COBL: variants seen among roughly 807,000 people sequenced by gnomAD.
COBL encodes protein cordon-bleu.
Under a neutral mutation model 98.8 loss-of-function variants are expected in COBL, and 51 were observed. The ratio of observed to expected loss-of-function variants is 0.52; its 90% CI spans 0.41 to 0.65. The LOEUF (loss-of-function observed/expected upper bound fraction) is 0.65, where lower values mean the gene tolerates loss of function less well. Ranked by LOEUF, COBL falls within the 30% of genes least tolerant of loss-of-function variation. The pLI, the probability that COBL is intolerant of heterozygous loss-of-function variation, is 0.00. For synonymous variants in COBL, 634 were observed against 651.7 expected, an observed-to-expected ratio of 0.97 and a Z score of 0.41; for missense variants, 1,617 against 1,617.5, an observed-to-expected ratio of 1.00 and a Z score of 0.01.
At chr7:51,159,956 G>T (rs767425548) in intron 5 of COBL, among the ~76,000 whole-genome samples, 1 of 152,056 alleles carries the variant, frequency 6.6e-6, no homozygotes, top group South Asian at 2.1e-4. Flanking sequence ...GCAATGGCAC[G>T]ATCTCAGCTC....
chr7:51,237,405 T>C (rs1386054109), intron 1 of COBL, among the ~76,000 whole-genome samples: 2 of 152,348 alleles, frequency 1.3e-5, no homozygotes, highest in African/African-American at 4.8e-5. Context: ...ATTGTAACTT[T>C]ACTAAAGTTT....
At chr7:51,082,839 G>A (rs1017717082) in intron 7 of COBL, among the ~76,000 whole-genome samples, 9 of 152,214 alleles carry the variant, frequency 5.9e-5, no homozygotes, top group African/African-American at 2.2e-4. Context: ...TTTAGCTGAA[G>A]TCTGACCACA....
At chr7:51,083,949 G>T (rs1480299361) in intron 7 of COBL, among the ~76,000 whole-genome samples, 2 of 152,196 alleles carry the variant, frequency 1.3e-5, no homozygotes, top group Admixed American at 6.5e-5. Context: ...TAAACCAGGG[G>T]CTTTTGTCCA....
rs762333403 is a variant in COBL at position 51,028,252 on chromosome 7, G to T, written c.2844C>A (p.Ala948=). Residue 948 remains alanine, a synonymous_variant, in exon 10 of 13, where the codon GCC becomes GCA. Coordinates refer to ENST00000265136, the MANE Select transcript of COBL (RefSeq NM_015198.5). ...NNHGEDLAVG[A]PPRGEVIGPH... ...GGCCAATGACCTCCCCCCTAGGAGG[G>T]GCTCCCACTGCCAAATCTTCCCCGT... 2 of 1,614,138 alleles carry T rather than the reference G, an allele frequency of 1.2e-6. No homozygotes were observed. Among genetic ancestry groups the T allele is most frequent in the South Asian group, 2.2e-5 (2 of 91,084 alleles).
At chr7:51,142,193 CAAG>C (rs1336044582) in intron 5 of COBL, among the ~76,000 whole-genome samples, 21 of 151,970 alleles carry the variant, frequency 1.4e-4, no homozygotes, top group Middle Eastern at 6.8e-3. Flanking sequence ...CTTTTTTGGC[CAAG>C]TACCCCATGG....
intron 2 of COBL, among the ~76,000 whole-genome samples, chr7:51,210,749 C>A (rs1391051717): frequency 6.6e-6 from 1 of 152,226 alleles, no homozygotes; most frequent in African/African-American, 2.4e-5. Flanking sequence ...TTCCACTACA[C>A]ACTTTTCTGG....
chr7:51,189,373 C>T (rs1338539237), intron 4 of COBL, among the ~76,000 whole-genome samples: 2 of 152,194 alleles, frequency 1.3e-5, no homozygotes, highest in African/African-American at 4.8e-5. Context: ...GTGGCTCAGG[C>T]CTGTAATCCC....
At chr7:51,107,101 T>TG (rs1307086005) in intron 6 of COBL, among the ~76,000 whole-genome samples, 1 of 145,458 alleles carries the variant, frequency 6.9e-6, no homozygotes, top group Non-Finnish European at 1.5e-5. Flanking sequence ...TGTTTTTTTT[T>TG]TTTTTTTTTT....
At chr7:51,031,230 C>A in intron 8 of COBL, 1 of 261,060 alleles carries the variant, frequency 3.8e-6, no homozygotes, top group African/African-American at 2.2e-5. Flanking sequence ...CCACACACAG[C>A]TTTCATTCAC....
chr7:51,135,095 TG>T (rs1799109983), intron 6 of COBL, among the ~76,000 whole-genome samples: 1 of 152,092 alleles, frequency 6.6e-6, no homozygotes, highest in Admixed American at 6.5e-5. Context: ...TCTGAGTAGC[TG>T]GGACAATAGG....
At chr7:51,100,478 G>A (rs1218752134) in intron 6 of COBL, among the ~76,000 whole-genome samples, 1 of 152,158 alleles carries the variant, frequency 6.6e-6, no homozygotes, top group Admixed American at 6.5e-5. Flanking sequence ...TTTGTTCTAT[G>A]AATCCACATT....
At chr7:51,280,162 T>G (rs1422788078) in intron 1 of COBL, among the ~76,000 whole-genome samples, 1 of 152,068 alleles carries the variant, frequency 6.6e-6, no homozygotes, top group African/African-American at 2.4e-5. Flanking sequence ...AAAACAGCAC[T>G]CAGTTTAACA....
intron 6 of COBL, among the ~76,000 whole-genome samples, chr7:51,093,159 A>G (rs539687385): frequency 2.0e-5 from 3 of 152,364 alleles, no homozygotes; most frequent in African/African-American, 7.2e-5. Context: ...CAAAATATGT[A>G]AGAAACTGAA....
chr7:51,031,941 C>T (rs1438384800), intron 8 of COBL: 1 of 152,292 alleles, frequency 6.6e-6, no homozygotes, highest in Non-Finnish European at 1.5e-5. Flanking sequence ...TCCTCTCAGA[C>T]TTAACAGGAG....
At chr7:51,264,355 T>C (rs960273036) in intron 1 of COBL, among the ~76,000 whole-genome samples, 6 of 152,088 alleles carry the variant, frequency 3.9e-5, no homozygotes, top group African/African-American at 9.7e-5. Flanking sequence ...TTTTACATAA[T>C]TGCAAAACAA....
intron 2 of COBL, among the ~76,000 whole-genome samples, chr7:51,209,805 CCCA>C (rs1359352166): frequency 2.0e-5 from 3 of 152,092 alleles, no homozygotes; most frequent in Non-Finnish European, 2.9e-5. Flanking sequence ...CCCTCTAATC[CCCA>C]CCAAGAGGCT....
At chr7:51,242,683 G>C (rs1236608885) in intron 1 of COBL, among the ~76,000 whole-genome samples, 1 of 149,804 alleles carries the variant, frequency 6.7e-6, no homozygotes, top group Non-Finnish European at 1.5e-5. Context: ...TCCACAAACA[G>C]AAAATGTTAA....
intron 1 of COBL, among the ~76,000 whole-genome samples, chr7:51,284,391 T>C (rs1327026451): frequency 6.6e-6 from 1 of 152,070 alleles, no homozygotes; most frequent in Non-Finnish European, 1.5e-5. Context: ...AATCAGTTCA[T>C]GTAATTCACC....
At position 51,219,793 on chromosome 7, in the gene COBL, C is replaced by T. The variant is rs747167571; in HGVS notation, c.193G>A (p.Val65Ile). ...KEALRASTMDVTVVLPSGLEK... is the reference protein window; with the variant it reads ...KEALRASTMDITVVLPSGLEK... ...AGCCCACTAGGCAGGACCACGGTGA[C>T]GTCCATGGTGCTGGCCCTCAGCGCC... The change falls in exon 2 of 13, where the codon GTC (valine) becomes ATC (isoleucine). Residue 65 changes from valine (V) to isoleucine (I), a missense_variant. Val to Ile is a conservative substitution (Grantham distance 29). Coordinates refer to ENST00000265136, the MANE Select transcript of COBL (RefSeq NM_015198.5). 4.3e-6 allele frequency: 7 copies of T among 1,614,044 alleles called. No individual in the cohort carries two copies. Among genetic ancestry groups the T allele is most frequent in the East Asian group, 2.2e-5 (1 of 44,868 alleles).
Sources: gnomAD v4.1 joint callset for allele counts (sites outside exome capture counted in the v4.1 genomes callset) on GRCh38, gnomAD v4.1.1 for gene constraint, MANE v1.5 for transcripts, NCBI Gene and HGNC (gene_info 2026-07-23, HGNC 2026-07-21) for gene names.